Variants in GPC6 observed in about 807,000 individuals in gnomAD.
GPC6 encodes glypican 6.
Under a neutral mutation model 55.2 loss-of-function variants are expected in GPC6, and 14 were observed. That is an observed-to-expected ratio of 0.25 (90% CI 0.17 to 0.40). The LOEUF (loss-of-function observed/expected upper bound fraction) is 0.40, where lower values mean the gene tolerates loss of function less well. Among genes scored for constraint, GPC6 ranks in the 10% least tolerant of loss-of-function variants. GPC6 has a pLI of 1.00. For synonymous variants in GPC6, 278 were observed against 259.6 expected (o/e 1.07, Z -0.68); for missense variants, 641 against 708.5 (o/e 0.90, Z 1.08).
intron 3 of GPC6, among the ~76,000 whole-genome samples, chr13:93,914,024 A>G (rs1278197329): frequency 6.6e-6 from 1 of 152,168 alleles, no homozygotes; most frequent in Non-Finnish European, 1.5e-5. Context: ...GTTTTATTCT[A>G]TTGATCTATA....
chr13:94,034,814 A>T (rs1883278491), intron 4 of GPC6, among the ~76,000 whole-genome samples: 1 of 151,964 alleles, frequency 6.6e-6, no homozygotes, highest in African/African-American at 2.4e-5. Flanking sequence ...ATATTGGCAC[A>T]AAGCAATGGT....
At chr13:93,859,092 ATTT>A (rs1033976215) in intron 3 of GPC6, among the ~76,000 whole-genome samples, 1 of 151,558 alleles carries the variant, frequency 6.6e-6, no homozygotes, top group Non-Finnish European at 1.5e-5. Context: ...TATATCTTCA[ATTT>A]AATAGAAGCA....
intron 1 of GPC6, among the ~76,000 whole-genome samples, chr13:93,329,845 A>C (rs533491190): frequency 6.6e-6 from 1 of 152,284 alleles, no homozygotes; most frequent in Admixed American, 6.5e-5. Flanking sequence ...ACAATAACAA[A>C]AAAAAAACCC....
intron 3 of GPC6, among the ~76,000 whole-genome samples, chr13:93,891,390 A>C (rs1189345933): frequency 5.3e-5 from 8 of 152,066 alleles, no homozygotes; most frequent in African/African-American, 9.7e-5. Flanking sequence ...CCTCAGGAGA[A>C]ATTACCTTTA....
intron 2 of GPC6, among the ~76,000 whole-genome samples, chr13:93,707,010 A>T (rs1407716963): frequency 1.3e-5 from 2 of 151,808 alleles, no homozygotes; most frequent in Non-Finnish European, 2.9e-5. Flanking sequence ...TGTGACCAGG[A>T]GCTATAGAAA....
At chr13:93,425,196 T>C (rs1877078301) in intron 1 of GPC6, among the ~76,000 whole-genome samples, 1 of 152,228 alleles carries the variant, frequency 6.6e-6, no homozygotes, top group Non-Finnish European at 1.5e-5. Context: ...AGAGACAGTA[T>C]TTTTTATTTT....
At chr13:94,222,256 T>C (rs1376056830) in intron 4 of GPC6, among the ~76,000 whole-genome samples, 1 of 152,096 alleles carries the variant, frequency 6.6e-6, no homozygotes, top group African/African-American at 2.4e-5. Flanking sequence ...TCATAAATGT[T>C]ATAGGAGTTT....
In GPC6 at chr13:94,318,077, T is replaced by C. The variant is rs185733572; in HGVS notation, c.1152+11954T>C. On this transcript the variant is annotated intron_variant, in intron 6 of 8. Coordinates refer to ENST00000377047, the MANE Select transcript of GPC6 (RefSeq NM_005708.5). ...ACAAAATGTGAGTAGCAGCTTCCAA[T>C]AGCTCCTAATGGCACACATGAATTG... Among the ~76,000 whole-genome samples the C allele has an allele frequency of 7.4e-4, 112 of 152,320 alleles. 1 individual carries two copies. The highest frequency in any genetic ancestry group is 1.3e-3 in the African/African-American group (54 of 41,568).
At chr13:94,051,657 C>A (rs899973565) in intron 4 of GPC6, among the ~76,000 whole-genome samples, 1 of 152,042 alleles carries the variant, frequency 6.6e-6, no homozygotes, top group Middle Eastern at 3.4e-3. Context: ...AATAATTGCA[C>A]AAAATTAAAG....
chr13:93,564,355 A>G (rs1229084787), intron 2 of GPC6, among the ~76,000 whole-genome samples: 1 of 152,156 alleles, frequency 6.6e-6, no homozygotes, highest in African/African-American at 2.4e-5. Context: ...GGTAACTGGT[A>G]ATGGTATTTG....
intron 4 of GPC6, among the ~76,000 whole-genome samples, chr13:94,093,893 C>T (rs192669994): frequency 4.4e-4 from 67 of 151,942 alleles, no homozygotes; most frequent in African/African-American, 1.4e-3. Flanking sequence ...AGAGTTCCTA[C>T]GAAGTTTAAG....
At chr13:93,686,079 A>G (rs1259956215) in intron 2 of GPC6, among the ~76,000 whole-genome samples, 2 of 152,168 alleles carry the variant, frequency 1.3e-5, no homozygotes, top group East Asian at 3.9e-4. Flanking sequence ...TAACTAGTCA[A>G]TTTGGATAGC....
chr13:94,031,926 G>C (rs1222689937), intron 4 of GPC6, among the ~76,000 whole-genome samples: 3 of 148,172 alleles, frequency 2.0e-5, no homozygotes, highest in African/African-American at 7.3e-5. Flanking sequence ...TAAAATTGAG[G>C]ATGTGTGGGA....
chr13:94,239,121 G>A lies in GPC6; in HGVS notation c.878-47228G>A, dbSNP rs12585305. Among the ~76,000 whole-genome samples the A allele has an allele frequency of 1.0e-3, 158 of 152,198 alleles. 4 individuals are homozygous for A. In the East Asian group the frequency reaches 0.025, roughly 24 times the overall value. Reference sequence around the variant, plus strand: ...ACAATGTAAGTGGTGGAAGATCTGGGAACAGATTTCAGAATAATTTCATGC... The same window carrying A: ...ACAATGTAAGTGGTGGAAGATCTGGAAACAGATTTCAGAATAATTTCATGC... On this transcript the variant is annotated intron_variant, in intron 4 of 8. Transcript: ENST00000377047.
At chr13:93,248,115 A>G (rs899402801) in intron 1 of GPC6, among the ~76,000 whole-genome samples, 4 of 152,216 alleles carry the variant, frequency 2.6e-5, no homozygotes, top group African/African-American at 4.8e-5. Context: ...ATTTATTCTT[A>G]CTCAGAACAT....
chr13:94,348,838 T>C (rs940003347), intron 6 of GPC6, among the ~76,000 whole-genome samples: 1 of 152,202 alleles, frequency 6.6e-6, no homozygotes, highest in Non-Finnish European at 1.5e-5. Context: ...GCCTTTCCCT[T>C]AAATCTCAGA....
intron 2 of GPC6, among the ~76,000 whole-genome samples, chr13:93,748,472 A>T (rs947240715): frequency 3.3e-5 from 5 of 151,932 alleles, no homozygotes; most frequent in African/African-American, 7.2e-5. Flanking sequence ...TTATCACTCA[A>T]TTTTTAATCA....
intron 1 of GPC6, among the ~76,000 whole-genome samples, chr13:93,497,307 T>C (rs1056510258): frequency 6.6e-6 from 1 of 152,234 alleles, no homozygotes; most frequent in African/African-American, 2.4e-5. Context: ...ATGAGACTTG[T>C]CACCCCGCTT....
At chr13:94,039,223 G>A (rs1883445080) in intron 4 of GPC6, among the ~76,000 whole-genome samples, 1 of 151,940 alleles carries the variant, frequency 6.6e-6, no homozygotes, top group Non-Finnish European at 1.5e-5. Flanking sequence ...CCAAATACTT[G>A]ACCTTCTTTT....
Sources: allele counts gnomAD v4.1 joint callset (sites outside exome capture counted in the v4.1 genomes callset), GRCh38; gene constraint gnomAD v4.1.1; transcripts MANE v1.5; gene names NCBI Gene and HGNC (gene_info 2026-07-23, HGNC 2026-07-21).